RHCE: variants seen among roughly 807,000 people sequenced by gnomAD.
RHCE encodes the protein blood group Rh(CE) polypeptide.
In RHCE, 22 loss-of-function variants were observed where a neutral mutation model predicts 43.8. The ratio of observed to expected loss-of-function variants is 0.50; its 90% CI spans 0.36 to 0.72. The LOEUF is 0.72. RHCE is among the 30% of genes least tolerant of loss of function. The probability of loss-of-function intolerance (pLI) is 0.00; values close to 1 mark genes in which losing one functional copy is unlikely to be tolerated. For synonymous variants in RHCE, 156 were observed against 210.7 expected, an observed-to-expected ratio of 0.74 and a Z score of 2.25; for missense variants, 385 against 525.4, an observed-to-expected ratio of 0.73 and a Z score of 2.61.
At chr1:25,370,152 G>A (rs763351908) in intron 9 of RHCE, among the ~76,000 whole-genome samples, 4 of 151,656 alleles carry the variant, frequency 2.6e-5, no homozygotes, top group Admixed American at 6.6e-5. Flanking sequence ...TCTGTCACCC[G>A]CATGTCAAAC....
At chr1:25,373,429 C>CA (rs1645674683) in intron 8 of RHCE, among the ~76,000 whole-genome samples, 1 of 151,716 alleles carries the variant, frequency 6.6e-6, no homozygotes. Flanking sequence ...TGCCAGCTGC[C>CA]ACGAACTGAA....
At chr1:25,379,485 ATATATATATATTTTTTTTT>A (rs1181526704) in intron 7 of RHCE, among the ~76,000 whole-genome samples, 323 of 19,206 alleles carry the variant, frequency 0.017, 1 homozygote, top group Non-Finnish European at 0.019. Context: ...ATATATATAT[ATATATATATATTTTTTTTT>A]TTTTTTTTTT....
intron 7 of RHCE, 28 bp downstream of exon 7, chr1:25,385,683 G>A: frequency 6.2e-7 from 1 of 1,613,924 alleles, no homozygotes; most frequent in Non-Finnish European, 8.5e-7. Flanking sequence ...GAGTGTTAAG[G>A]GGATGGGGGG....
intron 2 of RHCE, among the ~76,000 whole-genome samples, chr1:25,426,868 C>T (rs1340776514): frequency 6.6e-6 from 1 of 152,142 alleles, no homozygotes; most frequent in Admixed American, 6.5e-5. Flanking sequence ...ACCAGCCTGG[C>T]TAACATGGCA....
Position 25,420,770 on chromosome 1 carries a change from G to A in RHCE, c.17C>T (p.Pro6Leu), listed in dbSNP as rs376458113. The change falls in exon 1 of 10, where the codon CCG becomes CTG. Residue 6 changes from proline (P) to leucine (L), a missense_variant. This residue lies in a region of RHCE where 110 missense variants were observed against 192.1 expected (regional missense o/e 0.57). Coordinates refer to ENST00000294413, the MANE Select transcript of RHCE (RefSeq NM_020485.8). The part of the protein sequence containing the change: MSSKY[P>L]RSVRRCLPLC... ...GGGCAGGCAGCGCCGGACAGACCGC[G>A]GGTACTTAGAGCTCATCCTGTGTCC... 5.3e-5 allele frequency: 86 copies of A among 1,608,656 alleles called. No individual in the cohort carries two copies. Among genetic ancestry groups the A allele is most frequent in the Admixed American group, 3.0e-4 (18 of 59,392 alleles).
intron 7 of RHCE, among the ~76,000 whole-genome samples, chr1:25,379,931 G>A (rs567345189): frequency 9.2e-5 from 14 of 152,182 alleles, no homozygotes; most frequent in Middle Eastern, 3.4e-3. Flanking sequence ...TCCCACCTCA[G>A]CCTCCCAAAT....
chr1:25,402,475 C>G, intron 3 of RHCE, 121 bp downstream of exon 3: 1 of 1,473,588 alleles, frequency 6.8e-7, no homozygotes, highest in Non-Finnish European at 9.4e-7. Flanking sequence ...ATCTTCCCTC[C>G]TCAACCTCCC....
intron 2 of RHCE, among the ~76,000 whole-genome samples, chr1:25,406,228 TGCGG>T (rs1553159694): frequency 1.6e-5 from 1 of 60,666 alleles, no homozygotes; most frequent in Admixed American, 1.6e-4. Flanking sequence ...AGTGTGTGTA[TGCGG>T]GCGTGCGTGC....
chr1:25,378,096 T>C (rs1444717062), intron 7 of RHCE, among the ~76,000 whole-genome samples: 1 of 152,230 alleles, frequency 6.6e-6, no homozygotes, highest in Non-Finnish European at 1.5e-5. Context: ...ATTTAGTTAG[T>C]TATTGGAGAT....
At chr1:25,426,935 T>C (rs1421864869) in intron 2 of RHCE, among the ~76,000 whole-genome samples, 1 of 152,082 alleles carries the variant, frequency 6.6e-6, no homozygotes, top group Non-Finnish European at 1.5e-5. Context: ...CGTGTGCCTA[T>C]AGTCTCAGCT....
rs181393742 is a variant in RHCE at position 25,411,329 on chromosome 1, T to C, written c.149-2460A>G. On this transcript the variant is annotated intron_variant, in intron 1 of 9. Transcript: ENST00000294413. ...AACATCATCATGACAATCACAGCAA[T>C]AGGAACTCACCTGCCACTGGTCTCC... The C allele has an allele frequency of 1.1e-3, 1,691 of 1,550,388 alleles. 19 individuals carry two copies. In the African/African-American group the frequency reaches 0.019, roughly 18 times the overall value.
intron 1 of RHCE, among the ~76,000 whole-genome samples, chr1:25,412,714 TTAAAA>T (rs1647123309): frequency 2.0e-5 from 2 of 100,418 alleles, no homozygotes; most frequent in African/African-American, 4.9e-5. Context: ...GACCCTTTTT[TTAAAA>T]AAAAAAAAAA....
At position 25,392,088 on chromosome 1, in the gene RHCE, C is replaced by T. The variant is rs760614194; in HGVS notation, c.540G>A (p.Gly180=). 1.2e-6 allele frequency: 2 copies of T among 1,614,140 alleles called. No homozygotes were observed. The highest frequency in any genetic ancestry group is 1.7e-6 in the Non-Finnish European group (2 of 1,180,012). The change falls in exon 4 of 10, where the codon GGG becomes GGA. Residue 180 remains glycine (G), a synonymous_variant. Coordinates refer to ENST00000294413, the MANE Select transcript of RHCE (RefSeq NM_020485.8). ...TTGGCAGGCACCAGGCCACAGTCAG[C>T]CCAAAATAGGCTGCGAACACGTAGA... The part of the protein sequence containing the change: ...RHFYVFAAYF[G]LTVAWCLPKP...
chr1:25,362,463 A>T lies in RHCE; in HGVS notation c.*64T>A. 6.2e-7 allele frequency: 1 copy of T among 1,612,298 alleles called. No homozygotes were observed. The highest frequency in any genetic ancestry group is 8.5e-7 in the Non-Finnish European group (1 of 1,178,930). On this transcript the variant is annotated 3_prime_UTR_variant, in exon 10 of 10. Transcript: ENST00000294413. ...ATGAGCGTTTCTCACGTACAAATGCAGGCAACAGTGAGAGGAAGTTGTCTT... is the reference window on the plus strand; with the variant it reads ...ATGAGCGTTTCTCACGTACAAATGCTGGCAACAGTGAGAGGAAGTTGTCTT...
chr1:25,385,295 C>A (rs1210929063), intron 7 of RHCE, among the ~76,000 whole-genome samples: 2 of 152,144 alleles, frequency 1.3e-5, no homozygotes, highest in Non-Finnish European at 2.9e-5. Flanking sequence ...AGATAGTATC[C>A]TTATCTCCAT....
In RHCE at chr1:25,403,147, G is replaced by A. The variant is rs549142499; in HGVS notation, c.336-401C>T. Among the ~76,000 whole-genome samples the A allele has an allele frequency of 3.9e-5, 6 of 152,108 alleles. No individual in the cohort carries two copies. In the South Asian group the frequency reaches 1.2e-3, roughly 32 times the overall value. On this transcript the variant is annotated intron_variant, in intron 2 of 9. Coordinates refer to ENST00000294413, the MANE Select transcript of RHCE (RefSeq NM_020485.8). ...GCTCAACAGAGGGCACTCTTCCCCC[G>A]CAGGCCTGCCCACATCCAGTCACCC...
At chr1:25,369,616 G>T (rs1645543130) in intron 9 of RHCE, among the ~76,000 whole-genome samples, 1 of 150,866 alleles carries the variant, frequency 6.6e-6, no homozygotes, top group South Asian at 2.1e-4. Flanking sequence ...TGAACTTTAT[G>T]TCCCTTTGCT....
intron 1 of RHCE, among the ~76,000 whole-genome samples, chr1:25,417,990 G>T (rs1320347144): frequency 6.6e-6 from 1 of 152,122 alleles, no homozygotes; most frequent in Non-Finnish European, 1.5e-5. Context: ...ATGCAGCCCA[G>T]TGAGTCTACC....
rs755533657 is a variant in RHCE at position 25,392,121 on chromosome 1, C to G, written c.507G>C (p.Leu169=). ...NIFNTDYHMN[L]RHFYVFAAYF... ...AGGCTGCGAACACGTAGAAGTGCCTCAGGTTCATGTGGTAGTCTGTCTGCA... is the reference window on the plus strand; with the variant it reads ...AGGCTGCGAACACGTAGAAGTGCCTGAGGTTCATGTGGTAGTCTGTCTGCA... Residue 169 remains leucine (L), a synonymous_variant, in exon 4 of 10, where the codon CTG becomes CTC. Coordinates refer to ENST00000294413, the MANE Select transcript of RHCE (RefSeq NM_020485.8). 2 of 1,614,154 alleles carry G rather than the reference C, an allele frequency of 1.2e-6. No homozygotes were observed. Among genetic ancestry groups the G allele is most frequent in the South Asian group, 1.1e-5 (1 of 91,088 alleles).
Sources: allele counts gnomAD v4.1 joint callset (sites outside exome capture counted in the v4.1 genomes callset), GRCh38; gene constraint gnomAD v4.1.1; regional missense constraint gnomAD v4.1.1; transcripts MANE v1.5; gene names NCBI Gene and HGNC (gene_info 2026-07-23, HGNC 2026-07-21).